The following COL26A1 variants were observed in gnomAD, a reference collection of about 807,000 sequenced individuals.
COL26A1 encodes the protein collagen type XXVI alpha 1 chain.
Under a neutral mutation model 59.3 loss-of-function variants are expected in COL26A1, and 41 were observed. That is an observed-to-expected ratio of 0.69 (90% CI 0.54 to 0.90). The LOEUF is 0.90. Among genes scored for constraint, COL26A1 ranks in the 40% least tolerant of loss-of-function variants. The pLI, the probability that COL26A1 is intolerant of heterozygous loss-of-function variation, is 0.00. For synonymous variants in COL26A1, 266 were observed against 256.0 expected (o/e 1.04, Z -0.37); for missense variants, 612 against 602.3 (o/e 1.02, Z -0.17).
chr7:101,428,393 A>G (rs1377109131), intron 2 of COL26A1, among the ~76,000 whole-genome samples: 1 of 151,202 alleles, frequency 6.6e-6, no homozygotes, highest in Non-Finnish European at 1.5e-5. Flanking sequence ...AATGATATTT[A>G]TTTGAGAATG....
intron 2 of COL26A1, among the ~76,000 whole-genome samples, chr7:101,444,117 A>G (rs921052366): frequency 2.0e-5 from 3 of 151,772 alleles, no homozygotes; most frequent in East Asian, 1.9e-4. Context: ...ACTTCAAGCA[A>G]TCCTCCTGCC....
At chr7:101,464,509 T>C (rs1793709025) in intron 3 of COL26A1, among the ~76,000 whole-genome samples, 1 of 151,912 alleles carries the variant, frequency 6.6e-6, no homozygotes, top group Admixed American at 6.6e-5. Flanking sequence ...CCTCCCGGGT[T>C]CAAACGATTC....
chr7:101,500,033 A>G (rs921589105), intron 3 of COL26A1, among the ~76,000 whole-genome samples: 3 of 152,138 alleles, frequency 2.0e-5, no homozygotes, highest in African/African-American at 7.2e-5. Flanking sequence ...GTCATAAGCT[A>G]TGATGCATCA....
chr7:101,426,274 C>T (rs141058808), intron 2 of COL26A1, among the ~76,000 whole-genome samples: 3 of 152,272 alleles, frequency 2.0e-5, no homozygotes, highest in African/African-American at 7.2e-5. Flanking sequence ...CTGTCTTCTG[C>T]ACTGGTTTCC....
chr7:101,415,935 T>C (rs1446643854), intron 1 of COL26A1, among the ~76,000 whole-genome samples: 10 of 105,036 alleles, frequency 9.5e-5, no homozygotes. Flanking sequence ...ACCCAACCCC[T>C]TTCACGTATT....
At chr7:101,480,879 T>C (rs560071540) in intron 3 of COL26A1, among the ~76,000 whole-genome samples, 1 of 152,294 alleles carries the variant, frequency 6.6e-6, no homozygotes, top group East Asian at 1.9e-4. Context: ...GGTTAACTCA[T>C]CTTTGTCACA....
chr7:101,379,378 G>A (rs1013805952), intron 1 of COL26A1, among the ~76,000 whole-genome samples: 5 of 152,176 alleles, frequency 3.3e-5, no homozygotes, highest in Non-Finnish European at 5.9e-5. Flanking sequence ...CAGGGGCTCG[G>A]AGGGAGCCCC....
intron 1 of COL26A1, among the ~76,000 whole-genome samples, chr7:101,406,835 A>C (rs1792139386): frequency 6.6e-6 from 1 of 152,150 alleles, no homozygotes; most frequent in Non-Finnish European, 1.5e-5. Context: ...TTGTAGTCCC[A>C]GCTACTTGAG....
Position 101,459,466 on chromosome 7 carries a change from ATTTTT to A in COL26A1, c.385+11690_385+11694del, listed in dbSNP as rs71286269. On this transcript the variant is annotated intron_variant, in intron 3 of 12. Coordinates refer to ENST00000313669, the MANE Select transcript of COL26A1 (RefSeq NM_001278563.3). ...AGGTGCCCACCACCACACCCGGCTA[ATTTTT>A]TTTTTTTTTTGTATTTTTAGTAGAG... 5.9e-5 allele frequency among the ~76,000 whole-genome samples: 8 copies of A among 136,086 alleles called. 1 individual carries two copies. The South Asian group carries it at 1.9e-3, about 32-fold the overall frequency. 89.3% of individuals were successfully genotyped at this position (136,086 alleles called of 152,430 possible). A position where few individuals can be genotyped will look rare whatever the true frequency, so the allele number is the denominator to read the frequency against.
intron 3 of COL26A1, among the ~76,000 whole-genome samples, chr7:101,521,508 A>G (rs1316425106): frequency 6.6e-6 from 1 of 151,882 alleles, no homozygotes; most frequent in Admixed American, 6.6e-5. Context: ...AGGTGGTGCT[A>G]GCTGACCAAT....
At chr7:101,551,237 G>A (rs1252320812) in intron 10 of COL26A1, 94 bp downstream of exon 10, 5 of 386,364 alleles carry the variant, frequency 1.3e-5, no homozygotes, top group East Asian at 5.8e-5. Context: ...TGGTGGGGGG[G>A]TTCAGCCCTG....
chr7:101,489,706 T>C (rs565525977), intron 3 of COL26A1, among the ~76,000 whole-genome samples: 2 of 104,146 alleles, frequency 1.9e-5, no homozygotes, highest in East Asian at 2.2e-4. Context: ...TCTGTCTTTC[T>C]TTCTTTCATT....
At chr7:101,405,167 G>A (rs1407858115) in intron 1 of COL26A1, among the ~76,000 whole-genome samples, 2 of 151,990 alleles carry the variant, frequency 1.3e-5, no homozygotes, top group African/African-American at 2.4e-5. Flanking sequence ...AGCTTGCAGT[G>A]AGCTGAGATC....
At chr7:101,367,051 A>G (rs1489968847) in intron 1 of COL26A1, among the ~76,000 whole-genome samples, 1 of 152,106 alleles carries the variant, frequency 6.6e-6, no homozygotes, top group African/African-American at 2.4e-5. Context: ...GTTTTGACTA[A>G]TTGCTTCCCA....
At chr7:101,439,155 T>C (rs1438963853) in intron 2 of COL26A1, among the ~76,000 whole-genome samples, 1 of 152,070 alleles carries the variant, frequency 6.6e-6, no homozygotes, top group East Asian at 1.9e-4. Context: ...CCAGGCTGAA[T>C]GTAATACCCA....
chr7:101,362,813 C>G (rs770021784), upstream of COL26A1: 661 of 541,632 alleles, frequency 1.2e-3, 2 homozygotes, highest in Non-Finnish European at 1.8e-3. Context: ...CCCCACGCCC[C>G]CTTTGACGGC....
intron 2 of COL26A1, among the ~76,000 whole-genome samples, chr7:101,431,398 T>G (rs1792775323): frequency 6.6e-6 from 1 of 152,022 alleles, no homozygotes; most frequent in African/African-American, 2.4e-5. Flanking sequence ...TAGCTGGGAC[T>G]TTGGGCGTGT....
intron 1 of COL26A1, among the ~76,000 whole-genome samples, chr7:101,403,029 A>T (rs1792051585): frequency 6.6e-6 from 1 of 151,772 alleles, no homozygotes; most frequent in African/African-American, 2.4e-5. Flanking sequence ...TTTTTAGTAG[A>T]GATGGGGTCT....
chr7:101,398,746 C>T (rs1053567150), intron 1 of COL26A1, among the ~76,000 whole-genome samples: 5 of 152,092 alleles, frequency 3.3e-5, no homozygotes, highest in South Asian at 2.1e-4. Flanking sequence ...CAAAGCAGCG[C>T]GTAGAGTTCT....
Sources: gnomAD v4.1 joint callset for allele counts (sites outside exome capture counted in the v4.1 genomes callset) on GRCh38, gnomAD v4.1.1 for gene constraint, MANE v1.5 for transcripts, NCBI Gene and HGNC (gene_info 2026-07-23, HGNC 2026-07-21) for gene names.